Variants in SEPTIN3 observed in about 807,000 individuals in gnomAD.
SEPTIN3 encodes neuronal-specific septin-3.
In SEPTIN3, 15 loss-of-function variants were observed where a neutral mutation model predicts 45.1. That is an observed-to-expected ratio of 0.33 (90% CI 0.22 to 0.51). The LOEUF (loss-of-function observed/expected upper bound fraction) is 0.51. Among genes scored for constraint, SEPTIN3 ranks in the 20% least tolerant of loss-of-function variants. The pLI, the probability that SEPTIN3 is intolerant of heterozygous loss-of-function variation, is 0.97. For missense variants in SEPTIN3, 289 were observed against 457.2 expected, an observed-to-expected ratio of 0.63 and a Z score of 3.35; for synonymous variants, 148 against 164.8, an observed-to-expected ratio of 0.90 and a Z score of 0.78.
chr22:41,994,929 G>C lies in SEPTIN3; in HGVS notation c.2505+215G>C, dbSNP rs1310281947. 6.3e-6 allele frequency: 9 copies of C among 1,417,402 alleles called. No homozygotes were observed. In the Admixed American group the frequency reaches 7.4e-5, roughly 12 times the overall value. 87.8% of individuals were successfully genotyped at this position (1,417,402 alleles called of 1,614,324 possible). On this transcript the variant is annotated intron_variant, in intron 11 of 11. Transcript: ENST00000644076. This position sits in a 1 kb window ranked among gnomAD's most constrained non-coding sequence, Gnocchi z 4.2. ...TGTGTGTGTGTGTGTGTGTGACAGA[G>C]AGAGAGCGAGAGAGCCTGTGTGTGT...
rs2078399452 is a variant in SEPTIN3 at position 41,994,880 on chromosome 22, TGTCTG to T, written c.2505+167_2505+171del. 1.1e-5 allele frequency: 16 copies of T among 1,477,848 alleles called. No individual in the cohort carries two copies. The highest frequency in any genetic ancestry group is 1.4e-5 in the Non-Finnish European group (16 of 1,122,042). The allele number at this position is 1,477,848 out of a possible 1,614,324, so 91.5% of individuals were successfully genotyped here. Reference sequence around the variant, plus strand: ...CCTGTCTGGTATTTGTGGAGCATCTTGTCTGTGTGTGTGTGTGTGTGTGTGTGTGT... The same window carrying T: ...CCTGTCTGGTATTTGTGGAGCATCTTTGTGTGTGTGTGTGTGTGTGTGTGT... On this transcript the variant is annotated intron_variant, in intron 11 of 11. Transcript: ENST00000644076. The surrounding 1 kb of genome is among the most constrained non-coding windows in gnomAD (Gnocchi z 4.2).
chr22:41,997,339 A>G lies in SEPTIN3; in HGVS notation c.*372A>G, dbSNP rs1250004301. On this transcript the variant is annotated 3_prime_UTR_variant, in exon 12 of 12. Transcript: ENST00000644076. ...CCCTACCCATTCATCTGCATGAGCT[A>G]CTCTTGGCTTCCTTAAAGGGTCAAG... is the stretch of plus-strand genomic sequence containing the variant. 2 of 212,722 alleles carry G rather than the reference A, an allele frequency of 9.4e-6. No homozygotes were observed. Among genetic ancestry groups the G allele is most frequent in the Non-Finnish European group, 1.9e-5 (2 of 106,926 alleles). 13.2% of individuals were successfully genotyped at this position (212,722 alleles called of 1,614,324 possible).
chr22:41,969,709 G>A (rs1182760857), intron 1 of SEPTIN3, 32 bp downstream of exon 1: 1 of 125,574 alleles, frequency 8.0e-6, no homozygotes, highest in Non-Finnish European at 1.7e-5. Context: ...AGGGTGTGGG[G>A]GTTTGTGGGG....
At chr22:41,989,161 T>TG (rs2078259209) in intron 6 of SEPTIN3, among the ~76,000 whole-genome samples, 1 of 149,910 alleles carries the variant, frequency 6.7e-6, no homozygotes, top group Non-Finnish European at 1.5e-5. Flanking sequence ...ACACACAGTG[T>TG]TGTTTTTTTT....
At chr22:41,986,386 G>T (rs1435826167) in intron 4 of SEPTIN3, among the ~76,000 whole-genome samples, 1 of 152,168 alleles carries the variant, frequency 6.6e-6, no homozygotes, top group East Asian at 1.9e-4. Context: ...AGGTACGGTG[G>T]CTCATGCCTG....
chr22:41,980,736 G>A (rs2078108032), intron 2 of SEPTIN3, among the ~76,000 whole-genome samples: 2 of 152,128 alleles, frequency 1.3e-5, no homozygotes, highest in South Asian at 4.1e-4. Context: ...CCAGGGGGAC[G>A]TTTGCCCTTC....
intron 6 of SEPTIN3, among the ~76,000 whole-genome samples, chr22:41,988,118 C>T (rs1008153158): frequency 3.0e-4 from 45 of 152,080 alleles, no homozygotes; most frequent in African/African-American, 9.2e-4. Flanking sequence ...TAATTGGAGT[C>T]GGAGGGAGCA....
At position 41,996,934 on chromosome 22, in the gene SEPTIN3, T is replaced by C. The variant is rs771142766; in HGVS notation, c.2538T>C (p.Pro846=). 9.3e-6 allele frequency: 15 copies of C among 1,614,086 alleles called. No individual in the cohort carries two copies. The Admixed American group carries it at 2.2e-4, about 23-fold the overall frequency. ...GCCTCCTGGGCACTGTCCTTCCACC[T>C]GTGCCAGCCACCCCCTGCCCCACTG... The part of the protein sequence containing the change: ...GEGLLGTVLP[P]VPATPCPTAE The change falls in exon 12 of 12, where the codon CCT becomes CCC. Residue 846 remains proline, a synonymous_variant. Transcript: ENST00000644076.
intron 7 of SEPTIN3, among the ~76,000 whole-genome samples, chr22:41,991,345 G>A (rs984744844): frequency 2.0e-5 from 3 of 152,148 alleles, no homozygotes; most frequent in Non-Finnish European, 4.4e-5. Flanking sequence ...ACCTGAAGTT[G>A]CACCTCCTGG....
At chr22:41,989,067 A>T (rs558502670) in intron 6 of SEPTIN3, among the ~76,000 whole-genome samples, 62 of 146,678 alleles carry the variant, frequency 4.2e-4, no homozygotes, top group African/African-American at 1.5e-3. Flanking sequence ...TCAAGGCTGC[A>T]GTGAGCCAAT....
chr22:41,992,867 G>T, intron 9 of SEPTIN3, 104 bp downstream of exon 9: 3 of 791,104 alleles, frequency 3.8e-6, no homozygotes, highest in Non-Finnish European at 6.5e-6. Flanking sequence ...CATATGAAAT[G>T]AATGCCAGCC....
chr22:41,975,655 T>C (rs2078010699), intron 2 of SEPTIN3, among the ~76,000 whole-genome samples: 1 of 152,180 alleles, frequency 6.6e-6, no homozygotes. Context: ...GCCTACCTTT[T>C]ATTAGGTGCC....
intron 9 of SEPTIN3, among the ~76,000 whole-genome samples, chr22:41,993,820 A>G (rs1385075061): frequency 1.3e-5 from 2 of 152,172 alleles, no homozygotes; most frequent in Non-Finnish European, 2.9e-5. Context: ...ATTCTGTTCC[A>G]ACAGTGCTTG....
chr22:41,969,901 C>T (rs2077941255), intron 1 of SEPTIN3, among the ~76,000 whole-genome samples: 1 of 151,958 alleles, frequency 6.6e-6, no homozygotes, highest in African/African-American at 2.4e-5. Flanking sequence ...ACGTGTGTGC[C>T]CAAGTGGATG....
At chr22:41,985,719 G>A in intron 3 of SEPTIN3, 1 of 325,002 alleles carries the variant, frequency 3.1e-6, no homozygotes, top group South Asian at 3.8e-5. Flanking sequence ...CATATGCAGA[G>A]GTTGTCCCTT....
chr22:41,973,807 C>A (rs1232619231), intron 2 of SEPTIN3, among the ~76,000 whole-genome samples: 1 of 151,580 alleles, frequency 6.6e-6, no homozygotes, highest in Non-Finnish European at 1.5e-5. Flanking sequence ...ATGGTGATAC[C>A]CCGTCTCTAC....
Position 41,994,931 on chromosome 22 carries a change from GAGAGCGAGAGAGC to G in SEPTIN3, c.2505+218_2505+230del. 6.9e-7 allele frequency: 1 copy of G among 1,439,216 alleles called. No individual in the cohort carries two copies. Among genetic ancestry groups the G allele is most frequent in the Non-Finnish European group, 9.1e-7 (1 of 1,097,818 alleles). The allele number at this position is 1,439,216 out of a possible 1,614,324, so 89.2% of individuals were successfully genotyped here. A position where few individuals can be genotyped will look rare whatever the true frequency, so the allele number is the denominator to read the frequency against. On this transcript the variant is annotated intron_variant, in intron 11 of 11. Coordinates refer to ENST00000644076, the MANE Select transcript of SEPTIN3 (RefSeq NM_001363845.2). This position sits in a 1 kb window ranked among gnomAD's most constrained non-coding sequence, Gnocchi z 4.2. ...TGTGTGTGTGTGTGTGTGACAGAGA[GAGAGCGAGAGAGC>G]CTGTGTGTGTGCATGCAGGGGTGAG...
intron 2 of SEPTIN3, among the ~76,000 whole-genome samples, chr22:41,975,863 C>A (rs535930191): frequency 4.2e-4 from 64 of 152,300 alleles, no homozygotes; most frequent in Non-Finnish European, 8.7e-4. Flanking sequence ...CAACGACTCC[C>A]ACATTGAATG....
At chr22:41,985,894 G>A (rs1463840831) in intron 3 of SEPTIN3, 90 bp from the exon 4 acceptor site, 35 of 1,451,726 alleles carry the variant, frequency 2.4e-5, no homozygotes, top group Non-Finnish European at 2.8e-5. Context: ...CCTGGATCAT[G>A]GCTCTAGAAT....
Sources: allele counts gnomAD v4.1 joint callset (sites outside exome capture counted in the v4.1 genomes callset), GRCh38; gene constraint gnomAD v4.1.1; non-coding constraint Gnocchi (gnomAD v3.1); transcripts MANE v1.5; gene names NCBI Gene and HGNC (gene_info 2026-07-23, HGNC 2026-07-21).